The following KRT23 variants were observed in gnomAD, a reference collection of about 807,000 sequenced individuals.
The protein encoded by KRT23 is keratin, type I cytoskeletal 23.
KRT23 carries 38 observed loss-of-function variants against 47.6 expected under a neutral mutation model. The observed-to-expected ratio is 0.80, with a 90% confidence interval of 0.62 to 1.05. The LOEUF (loss-of-function observed/expected upper bound fraction) is 1.05. KRT23 is among the 50% of genes least tolerant of loss of function. KRT23 has a pLI of 0.00. For missense variants in KRT23, 503 were observed against 529.5 expected (o/e 0.95, Z 0.49); for synonymous variants, 191 against 199.0 (o/e 0.96, Z 0.34).
At chr17:40,924,547 C>T (rs1909109722) in intron 7 of KRT23, 44 bp from the exon 8 acceptor site, 2 of 1,488,354 alleles carry the variant, frequency 1.3e-6, no homozygotes, top group South Asian at 1.1e-5. Context: ...GTATTAGCAA[C>T]AATCATAACA....
intron 4 of KRT23, among the ~76,000 whole-genome samples, chr17:40,929,496 C>T (rs969486688): frequency 6.6e-5 from 10 of 152,196 alleles, no homozygotes; most frequent in African/African-American, 2.4e-4. Flanking sequence ...TGGATGGTAA[C>T]TCTAAAAGTC....
chr17:40,928,984 G>A (rs547895578), intron 4 of KRT23, among the ~76,000 whole-genome samples: 32 of 125,158 alleles, frequency 2.6e-4, no homozygotes, highest in African/African-American at 9.5e-4. Flanking sequence ...CCGAGATTGC[G>A]CCACTGCACT....
At chr17:40,929,645 A>G in intron 4 of KRT23, 1 of 307,144 alleles carries the variant, frequency 3.3e-6, no homozygotes, top group Non-Finnish European at 5.9e-6. Flanking sequence ...AGTCTCACGC[A>G]TTGATTCTTA....
intron 2 of KRT23, among the ~76,000 whole-genome samples, chr17:40,932,416 G>T (rs1337871918): frequency 6.6e-6 from 1 of 152,140 alleles, no homozygotes; most frequent in African/African-American, 2.4e-5. Flanking sequence ...CTGTCTTTAG[G>T]GTAGAAGATG....
intron 2 of KRT23, among the ~76,000 whole-genome samples, chr17:40,933,475 C>G (rs1380883810): frequency 6.6e-6 from 1 of 152,214 alleles, no homozygotes; most frequent in Non-Finnish European, 1.5e-5. Context: ...CCCTTACTTA[C>G]TTGTGCACTG....
At chr17:40,928,631 A>G (rs2143463038) in intron 4 of KRT23, 24 bp from the exon 5 acceptor site, 1 of 1,604,702 alleles carries the variant, frequency 6.2e-7, no homozygotes, top group Non-Finnish European at 8.5e-7. Context: ...GAGAAAGGAA[A>G]TGAACCGGCT....
At position 40,929,976 on chromosome 17, in the gene KRT23, C is replaced by A; in HGVS notation, c.600G>T (p.Arg200Ser). 4 of 1,614,140 alleles carry A rather than the reference C, an allele frequency of 2.5e-6. No homozygotes were observed. Among genetic ancestry groups the A allele is most frequent in the Non-Finnish European group, 3.4e-6 (4 of 1,180,006 alleles). ...GCTTCTTCATGAGAATGAGCTCTTT[C>A]CTCATTCCTTCCACCTCCTGTTCTA... Reference protein sequence around the residue: ...TDLEQEVEGMRKELILMKKHH... With the variant: ...TDLEQEVEGMSKELILMKKHH... The change falls in exon 4 of 9, where the codon AGG becomes AGT. Residue 200 changes from arginine (R) to serine (S), a missense_variant. Coordinates refer to ENST00000209718, the MANE Select transcript of KRT23 (RefSeq NM_015515.5).
Position 40,922,876 on chromosome 17 carries a change from T to G in KRT23, c.*113A>C. Reference sequence around the variant, plus strand: ...TGTTACAGAAAAAAAAAATAAAAGTTTCTGAGTCTGATAATTCCAAGGGTA... The same window carrying G: ...TGTTACAGAAAAAAAAAATAAAAGTGTCTGAGTCTGATAATTCCAAGGGTA... On this transcript the variant is annotated 3_prime_UTR_variant, in exon 9 of 9. Coordinates refer to ENST00000209718, the MANE Select transcript of KRT23 (RefSeq NM_015515.5). 1 of 729,174 alleles carries G rather than the reference T, an allele frequency of 1.4e-6. No homozygotes were observed. The highest frequency in any genetic ancestry group is 2.6e-5 in the East Asian group (1 of 38,502). 45.2% of individuals were successfully genotyped at this position (729,174 alleles called of 1,614,324 possible).
intron 3 of KRT23, 31 bp from the exon 4 acceptor site, chr17:40,930,127 C>T (rs1909551236): frequency 1.3e-6 from 2 of 1,594,520 alleles, no homozygotes; most frequent in African/African-American, 1.4e-5. Context: ...AGAGTGCACT[C>T]ATTGTTGGAA....
intron 3 of KRT23, among the ~76,000 whole-genome samples, chr17:40,930,379 A>T (rs916756237): frequency 3.3e-5 from 5 of 152,166 alleles, no homozygotes; most frequent in Non-Finnish European, 7.4e-5. Context: ...TGCTTCATCT[A>T]TTTCATTGCT....
chr17:40,925,446 C>G lies in KRT23; in HGVS notation c.1050G>C (p.Gln350His), dbSNP rs1909166224. 3.7e-6 allele frequency: 6 copies of G among 1,614,048 alleles called. No individual in the cohort carries two copies. The highest frequency in any genetic ancestry group is 5.1e-6 in the Non-Finnish European group (6 of 1,180,044). The change falls in exon 7 of 9, where the codon CAG becomes CAC. Residue 350 changes from glutamine to histidine, a missense_variant. By Grantham distance (24) the Gln-to-His change is conservative (BLOSUM62 0). Transcript: ENST00000209718. ...LTQLRHELERQNNEYQVLLGI... is the reference protein window; with the variant it reads ...LTQLRHELERHNNEYQVLLGI... ...CCAGCAGCACTTGGTATTCATTGTT[C>G]TGCCGCTCCAGTTCATGGCGTAGCT...
chr17:40,928,168 GGA>G, intron 6 of KRT23, 68 bp downstream of exon 6: 1 of 1,599,168 alleles, frequency 6.3e-7, no homozygotes. Flanking sequence ...TCAGGGCCTG[GGA>G]GAGAGGTCTC....
intron 2 of KRT23, among the ~76,000 whole-genome samples, chr17:40,934,891 A>G (rs962814792): frequency 5.9e-5 from 9 of 152,242 alleles, no homozygotes; most frequent in Non-Finnish European, 1.2e-4. Flanking sequence ...TAGGTACATA[A>G]TAAGTGCTCA....
intron 4 of KRT23, 65 bp downstream of exon 4, chr17:40,929,875 G>A (rs769129742): frequency 6.9e-6 from 10 of 1,454,036 alleles, no homozygotes; most frequent in East Asian, 2.3e-5. Context: ...TGTAGCTGTC[G>A]AATCAGCCTG....
At chr17:40,924,823 G>A (rs766999651) in intron 7 of KRT23, among the ~76,000 whole-genome samples, 47 of 152,030 alleles carry the variant, frequency 3.1e-4, no homozygotes, top group Admixed American at 1.3e-4. Context: ...AGCTTCTCAG[G>A]CTGTTCAAAG....
At chr17:40,923,709 C>A (rs77598442) in intron 8 of KRT23, among the ~76,000 whole-genome samples, 1 of 152,174 alleles carries the variant, frequency 6.6e-6, no homozygotes, top group Non-Finnish European at 1.5e-5. Flanking sequence ...TGAAGAGAGT[C>A]TCAAAGACCC....
Position 40,936,160 on chromosome 17 carries a change from C to G in KRT23, c.396+48G>C, listed in dbSNP as rs763667623. On this transcript the variant is annotated intron_variant, in intron 2 of 8. Coordinates refer to ENST00000209718, the MANE Select transcript of KRT23 (RefSeq NM_015515.5). ...ACTCATTTTTCCTCCCGAGGGTCCC[C>G]TGGCAAAGCAGCCCCATCTGGATCT... 63 of 1,607,948 alleles carry G rather than the reference C, an allele frequency of 3.9e-5. 2 individuals are homozygous for G. In the South Asian group the frequency reaches 6.8e-4, roughly 17 times the overall value.
At position 40,936,979 on chromosome 17, in the gene KRT23, C is replaced by T. The variant is rs116431362; in HGVS notation, c.-350-26G>A. On this transcript the variant is annotated intron_variant, in intron 1 of 8. Transcript: ENST00000209718. ...CTGGAATGGGTTAGGTTAAAGTCCA[C>T]CCAAAAGAAAGCATATTCGATGTAG... 3.8e-3 allele frequency: 845 copies of T among 224,482 alleles called. 4 individuals are homozygous for T. The highest frequency in any genetic ancestry group is 0.018 in the African/African-American group (806 of 44,206). The allele number at this position is 224,482 out of a possible 1,614,324, so 13.9% of individuals were successfully genotyped here.
intron 3 of KRT23, among the ~76,000 whole-genome samples, chr17:40,930,693 G>A (rs1324749679): frequency 1.3e-5 from 2 of 151,870 alleles, no homozygotes; most frequent in African/African-American, 2.4e-5. Flanking sequence ...GAACCTGGAA[G>A]GCAGAGGTTG....
Sources: allele counts gnomAD v4.1 joint callset (sites outside exome capture counted in the v4.1 genomes callset), GRCh38; gene constraint gnomAD v4.1.1; transcripts MANE v1.5; gene names NCBI Gene and HGNC (gene_info 2026-07-23, HGNC 2026-07-21).